Variants in ATXN1 observed in about 807,000 individuals in gnomAD.
ATXN1 encodes the protein ataxin 1.
A neutral mutation model predicts 56.4 loss-of-function variants in ATXN1; 8 were observed. That is an observed-to-expected ratio of 0.14 (90% CI 0.08 to 0.26). ATXN1 has a LOEUF of 0.26. ATXN1 is among the 10% of genes least tolerant of loss of function. ATXN1 has a pLI of 1.00. For synonymous variants in ATXN1, 514 were observed against 494.6 expected, an observed-to-expected ratio of 1.04 and a Z score of -0.52; for missense variants, 987 against 1,106.5, an observed-to-expected ratio of 0.89 and a Z score of 1.53.
rs774356282 is a variant in ATXN1 at position 16,328,083 on chromosome 6, ACCTATT to A, written c.222_227del (p.Ile75_Gly76del). On this transcript the variant is annotated inframe_deletion, in exon 7 of 8. Transcript: ENST00000436367. This position sits in a 1 kb window ranked among gnomAD's most constrained non-coding sequence, Gnocchi z 6.2. ...GCCCTGTGGACAATGCTTTGTGTAA[ACCTATT>A]CCCTGTTGTAAACCAAGCTCCACCG... is the stretch of plus-strand genomic sequence containing the variant. 81 of 1,607,926 alleles carry A rather than the reference ACCTATT, an allele frequency of 5.0e-5. No homozygotes were observed. In the African/African-American group the frequency reaches 1.0e-3, roughly 21 times the overall value.
intron 2 of ATXN1, among the ~76,000 whole-genome samples, chr6:16,723,336 A>G (rs984992325): frequency 6.6e-6 from 1 of 152,190 alleles, no homozygotes; most frequent in African/African-American, 2.4e-5. Flanking sequence ...ATGATCCTTT[A>G]AACAACAATC....
At chr6:16,375,487 G>T (rs1762124591) in intron 6 of ATXN1, among the ~76,000 whole-genome samples, 1 of 152,234 alleles carries the variant, frequency 6.6e-6, no homozygotes, top group Non-Finnish European at 1.5e-5. Context: ...TACAAAGATT[G>T]GGGCATTACA....
intron 6 of ATXN1, among the ~76,000 whole-genome samples, chr6:16,364,042 T>C (rs1307993156): frequency 6.6e-6 from 1 of 152,232 alleles, no homozygotes; most frequent in Non-Finnish European, 1.5e-5. Context: ...TGCTGGCTTT[T>C]ATTTACCATG....
intron 5 of ATXN1, among the ~76,000 whole-genome samples, chr6:16,518,136 G>A (rs575645326): frequency 6.6e-6 from 1 of 152,048 alleles, no homozygotes; most frequent in Non-Finnish European, 1.5e-5. Flanking sequence ...CAACAGGTAA[G>A]AAGGCTTGAG....
At chr6:16,343,644 G>A (rs1384477933) in intron 6 of ATXN1, among the ~76,000 whole-genome samples, 1 of 152,138 alleles carries the variant, frequency 6.6e-6, no homozygotes. Flanking sequence ...AAAGCTGGCC[G>A]ATATCCCTGT....
At chr6:16,684,783 A>G (rs1758882474) in intron 2 of ATXN1, among the ~76,000 whole-genome samples, 1 of 152,126 alleles carries the variant, frequency 6.6e-6, no homozygotes, top group South Asian at 2.1e-4. Context: ...CCTTGAATGT[A>G]TTATATAACC....
At chr6:16,450,115 C>T (rs990999838) in intron 6 of ATXN1, among the ~76,000 whole-genome samples, 3 of 152,206 alleles carry the variant, frequency 2.0e-5, no homozygotes, top group African/African-American at 7.2e-5. Context: ...TTGTAAACCT[C>T]CAAGTAAAGG....
In ATXN1 at chr6:16,715,303, G is replaced by A. The variant is rs3793116; in HGVS notation, c.-615+37930C>T. Among the ~76,000 whole-genome samples the A allele has an allele frequency of 1.6e-4, 25 of 152,120 alleles. No homozygotes were observed. In the East Asian group the frequency reaches 4.3e-3, roughly 26 times the overall value. On this transcript the variant is annotated intron_variant, in intron 2 of 7. Transcript: ENST00000436367. ...AAGAGACAGAGGCTATTATTTTAAC[G>A]TTAGAGATAAAGACTCTTACAGCTG...
chr6:16,660,161 A>G (rs1758286918), intron 2 of ATXN1, among the ~76,000 whole-genome samples: 2 of 152,240 alleles, frequency 1.3e-5, no homozygotes, highest in South Asian at 4.1e-4. Flanking sequence ...CTCTTTCAGC[A>G]AACTCTTTAT....
At chr6:16,717,861 A>G (rs1446223174) in intron 2 of ATXN1, among the ~76,000 whole-genome samples, 3 of 152,238 alleles carry the variant, frequency 2.0e-5, no homozygotes, top group Non-Finnish European at 2.9e-5. Flanking sequence ...CATGGCTTAC[A>G]CGCCACTTCT....
At chr6:16,351,126 A>T (rs1368881236) in intron 6 of ATXN1, among the ~76,000 whole-genome samples, 1 of 152,134 alleles carries the variant, frequency 6.6e-6, no homozygotes, top group African/African-American at 2.4e-5. Context: ...CACGTACCCT[A>T]CAGGGTTAGG....
intron 1 of ATXN1, 149 bp downstream of exon 1, chr6:16,761,149 A>G: frequency 2.7e-6 from 1 of 367,088 alleles, no homozygotes; most frequent in Non-Finnish European, 5.3e-6. Context: ...TTTTCCGTGC[A>G]GCCGATTGGG....
chr6:16,618,309 C>T (rs1028846267), intron 3 of ATXN1, among the ~76,000 whole-genome samples: 5 of 152,166 alleles, frequency 3.3e-5, no homozygotes, highest in African/African-American at 1.2e-4. Context: ...ATACCGAATG[C>T]ATGCAGGGCT....
intron 3 of ATXN1, among the ~76,000 whole-genome samples, chr6:16,624,214 C>T (rs2237171): frequency 6.6e-6 from 1 of 151,624 alleles, no homozygotes; most frequent in African/African-American, 2.4e-5. Flanking sequence ...AGCCAGGCGT[C>T]GTGGCAGGTT....
At chr6:16,652,305 T>C (rs956957031) in intron 3 of ATXN1, among the ~76,000 whole-genome samples, 2 of 152,216 alleles carry the variant, frequency 1.3e-5, no homozygotes, top group African/African-American at 4.8e-5. Context: ...CCTATTTACA[T>C]CTGTTCCAAA....
intron 4 of ATXN1, among the ~76,000 whole-genome samples, chr6:16,539,056 TAA>T (rs1455457313): frequency 6.6e-6 from 1 of 152,200 alleles, no homozygotes; most frequent in East Asian, 1.9e-4. Context: ...CAACCCACTC[TAA>T]GTCTGTTCAT....
At chr6:16,672,630 C>G (rs1021103069) in intron 2 of ATXN1, among the ~76,000 whole-genome samples, 1 of 152,148 alleles carries the variant, frequency 6.6e-6, no homozygotes, top group Non-Finnish European at 1.5e-5. Flanking sequence ...GAGGAAGATT[C>G]AACTATGGAA....
chr6:16,500,738 TAAAAAA>T (rs1167731131), intron 5 of ATXN1, among the ~76,000 whole-genome samples: 2 of 84,616 alleles, frequency 2.4e-5, no homozygotes, highest in Admixed American at 2.5e-4. Flanking sequence ...TTCATTATGA[TAAAAAA>T]AAAAAAAAAA....
At chr6:16,526,078 C>G (rs970082735) in intron 4 of ATXN1, among the ~76,000 whole-genome samples, 1 of 116,420 alleles carries the variant, frequency 8.6e-6, no homozygotes, top group African/African-American at 4.2e-5. Context: ...TACATACAAT[C>G]TATTTATAAT....
Sources: allele counts gnomAD v4.1 joint callset (sites outside exome capture counted in the v4.1 genomes callset), GRCh38; gene constraint gnomAD v4.1.1; non-coding constraint Gnocchi (gnomAD v3.1); transcripts MANE v1.5; gene names NCBI Gene and HGNC (gene_info 2026-07-23, HGNC 2026-07-21).